The following ZHX2 variants were observed in gnomAD, a reference collection of about 807,000 sequenced individuals.
The protein encoded by ZHX2 is zinc fingers and homeoboxes 2, also known as zinc fingers and homeoboxes protein 2.
In ZHX2, 6 loss-of-function variants were observed where a neutral mutation model predicts 21.9. That is an observed-to-expected ratio of 0.27 (90% CI 0.15 to 0.54). The LOEUF is 0.54. Ranked by LOEUF, ZHX2 falls within the 20% of genes least tolerant of loss-of-function variation. The pLI is 0.95. For missense variants in ZHX2, 908 were observed against 1,090.7 expected (o/e 0.83, Z 2.36); for synonymous variants, 434 against 437.1 (o/e 0.99, Z 0.09).
intron 1 of ZHX2, among the ~76,000 whole-genome samples, chr8:122,804,573 T>C (rs1345817269): frequency 1.3e-5 from 2 of 152,150 alleles, no homozygotes; most frequent in Non-Finnish European, 2.9e-5. Flanking sequence ...AGGTGGCCCA[T>C]GTAGTGAAAG....
intron 3 of ZHX2, among the ~76,000 whole-genome samples, chr8:122,959,567 G>A (rs183467917): frequency 1.6e-4 from 24 of 152,248 alleles, no homozygotes; most frequent in Middle Eastern, 6.8e-3. Flanking sequence ...TTTATTGAAC[G>A]AACCAGAGAA....
intron 2 of ZHX2, among the ~76,000 whole-genome samples, chr8:122,909,365 G>A (rs1189525271): frequency 5.9e-5 from 9 of 151,888 alleles, no homozygotes; most frequent in African/African-American, 2.2e-4. Flanking sequence ...CCCAGGAGGT[G>A]GAGGTTGCAG....
At chr8:122,898,613 A>G (rs1820152934) in intron 2 of ZHX2, among the ~76,000 whole-genome samples, 1 of 152,226 alleles carries the variant, frequency 6.6e-6, no homozygotes, top group South Asian at 2.1e-4. Flanking sequence ...TCAAGTCCAA[A>G]TAGGAGCTAG....
In ZHX2 at chr8:122,911,965, C is replaced by T. The variant is rs140895352; in HGVS notation, c.-219-39327C>T. Among the ~76,000 whole-genome samples, 121 of 152,208 alleles carry T rather than the reference C, an allele frequency of 7.9e-4. No individual in the cohort carries two copies. The Middle Eastern group carries it at 0.01, about 13-fold the overall frequency. On this transcript the variant is annotated intron_variant, in intron 2 of 3. Transcript: ENST00000314393. ...CTCTGAGGCCTGGAGGGGACACACG[C>T]GCTTGAGCAGCTGCCCCCTGGAATC...
intron 2 of ZHX2, among the ~76,000 whole-genome samples, chr8:122,937,124 G>A (rs148833649): frequency 0.023 from 3,573 of 152,356 alleles, 51 homozygotes; most frequent in Non-Finnish European, 0.035. Context: ...CATCCAACCG[G>A]GGAGGCCCAG....
intron 1 of ZHX2, among the ~76,000 whole-genome samples, chr8:122,800,993 G>A (rs16897456): frequency 0.08 from 12,251 of 152,246 alleles, 622 homozygotes; most frequent in South Asian, 0.14. Context: ...GCTTGACAGT[G>A]TATAGGTGTT....
At chr8:122,936,381 G>A (rs1328629403) in intron 2 of ZHX2, among the ~76,000 whole-genome samples, 1 of 152,206 alleles carries the variant, frequency 6.6e-6, no homozygotes, top group African/African-American at 2.4e-5. Context: ...GATTGGCAAG[G>A]TTATTCCTGT....
intron 2 of ZHX2, among the ~76,000 whole-genome samples, chr8:122,882,167 C>G (rs1234455202): frequency 6.6e-6 from 1 of 152,094 alleles, no homozygotes; most frequent in Non-Finnish European, 1.5e-5. Flanking sequence ...GAGATACCAG[C>G]CCTCCCTGTG....
chr8:122,950,230 G>A (rs1259954675), intron 2 of ZHX2, among the ~76,000 whole-genome samples: 1 of 152,078 alleles, frequency 6.6e-6, no homozygotes, highest in Non-Finnish European at 1.5e-5. Context: ...TCCAACAAAA[G>A]TCCAATTGCT....
intron 1 of ZHX2, among the ~76,000 whole-genome samples, chr8:122,795,121 T>C (rs1817593636): frequency 6.6e-6 from 1 of 152,242 alleles, no homozygotes; most frequent in Non-Finnish European, 1.5e-5. Context: ...TGGATGGTTA[T>C]ATGAATGAGG....
At chr8:122,911,503 T>C (rs1820480244) in intron 2 of ZHX2, among the ~76,000 whole-genome samples, 1 of 152,070 alleles carries the variant, frequency 6.6e-6, no homozygotes. Flanking sequence ...ACAGAGACCC[T>C]GGTTTCATGG....
rs1196729626 is a variant in ZHX2 at position 122,848,625 on chromosome 8, T to G, written c.-282-14852T>G. ...TCCATCTCTGTTCAAATAATGAAGA[T>G]TTGACCAGGCAGGGGGTCAGGGAGG... is the stretch of plus-strand genomic sequence containing the variant. On this transcript the variant is annotated intron_variant, in intron 1 of 3. Coordinates refer to ENST00000314393, the MANE Select transcript of ZHX2 (RefSeq NM_014943.5). Among the ~76,000 whole-genome samples the G allele has an allele frequency of 4.6e-5, 7 of 152,154 alleles. No individual in the cohort carries two copies. The East Asian group carries it at 1.3e-3, about 29-fold the overall frequency.
chr8:122,905,068 T>C (rs1820314365), intron 2 of ZHX2, among the ~76,000 whole-genome samples: 1 of 152,112 alleles, frequency 6.6e-6, no homozygotes, highest in South Asian at 2.1e-4. Context: ...AACTTCAAGA[T>C]AGAATATTAG....
chr8:122,924,317 A>G (rs1339387149), intron 2 of ZHX2, among the ~76,000 whole-genome samples: 1 of 151,912 alleles, frequency 6.6e-6, no homozygotes, highest in African/African-American at 2.4e-5. Flanking sequence ...TCTTCACATC[A>G]TCTTCCCTCA....
At chr8:122,792,276 CT>C (rs1244220906) in intron 1 of ZHX2, among the ~76,000 whole-genome samples, 1 of 152,168 alleles carries the variant, frequency 6.6e-6, no homozygotes, top group Non-Finnish European at 1.5e-5. Context: ...TCTTCTTTCC[CT>C]TTTGAGGTTC....
intron 3 of ZHX2, among the ~76,000 whole-genome samples, chr8:122,968,456 G>A (rs1380120924): frequency 6.6e-6 from 1 of 152,104 alleles, no homozygotes; most frequent in African/African-American, 2.4e-5. Context: ...TCTTCCTCCA[G>A]TCCAACACAT....
chr8:122,958,258 G>A (rs1813357968), intron 3 of ZHX2, among the ~76,000 whole-genome samples: 1 of 152,198 alleles, frequency 6.6e-6, no homozygotes, highest in Non-Finnish European at 1.5e-5. Flanking sequence ...ACAAAGATAA[G>A]GAATACTTCC....
intron 2 of ZHX2, among the ~76,000 whole-genome samples, chr8:122,901,293 T>C (rs1820224252): frequency 6.6e-6 from 1 of 152,212 alleles, no homozygotes; most frequent in Non-Finnish European, 1.5e-5. Context: ...CCCCTGCTTC[T>C]GGAAGAAAAT....
At chr8:122,924,873 T>C (rs187309456) in intron 2 of ZHX2, among the ~76,000 whole-genome samples, 133 of 152,282 alleles carry the variant, frequency 8.7e-4, no homozygotes, top group Non-Finnish European at 1.6e-3. Flanking sequence ...CTCAGTTGTG[T>C]TGAGGTTTGC....
Sources: gnomAD v4.1 joint callset for allele counts (sites outside exome capture counted in the v4.1 genomes callset) on GRCh38, gnomAD v4.1.1 for gene constraint, MANE v1.5 for transcripts, NCBI Gene and HGNC (gene_info 2026-07-23, HGNC 2026-07-21) for gene names.